The following SPMIP2 variants were observed in gnomAD, a reference collection of about 807,000 sequenced individuals.
SPMIP2 encodes the protein protein SPMIP2.
the SPMIP2 span, among the ~76,000 whole-genome samples, chr4:158,938,631 G>C: frequency 6.6e-6 from 1 of 152,206 alleles, no homozygotes; most frequent in African/African-American, 2.4e-5. Context: ...GACGTCACCA[G>C]GACATTGCTG....
chr4:158,985,627 C>T, the SPMIP2 span, among the ~76,000 whole-genome samples: 6 of 152,206 alleles, frequency 3.9e-5, no homozygotes, highest in Admixed American at 6.5e-5. Context: ...ATTGATGAGA[C>T]GTATCTCAAA....
the SPMIP2 span, among the ~76,000 whole-genome samples, chr4:159,037,783 T>TACAC: frequency 4.2e-3 from 410 of 97,626 alleles, 1 homozygote; most frequent in Middle Eastern, 0.015. Context: ...AAAAACAATA[T>TACAC]ATACACACAC....
At chr4:159,071,457 T>C in the SPMIP2 span, among the ~76,000 whole-genome samples, 1 of 152,070 alleles carries the variant, frequency 6.6e-6, no homozygotes, top group Non-Finnish European at 1.5e-5. Context: ...ACAAGAATAA[T>C]AAAAATTCAA....
chr4:158,897,978 A>G, the SPMIP2 span, among the ~76,000 whole-genome samples: 5 of 152,148 alleles, frequency 3.3e-5, no homozygotes, highest in Non-Finnish European at 7.4e-5. Context: ...TAGGTCTTAC[A>G]TTTAAGTCTT....
chr4:158,928,197 G>A, the SPMIP2 span, among the ~76,000 whole-genome samples: 1 of 152,194 alleles, frequency 6.6e-6, no homozygotes, highest in African/African-American at 2.4e-5. Context: ...GAACCTTTAT[G>A]TCTAGCTCAG....
At chr4:159,030,875 GA>G in the SPMIP2 span, among the ~76,000 whole-genome samples, 1 of 152,120 alleles carries the variant, frequency 6.6e-6, no homozygotes. Flanking sequence ...GTAACTCTCA[GA>G]ATTGCTGCGA....
the SPMIP2 span, among the ~76,000 whole-genome samples, chr4:158,934,247 G>A: frequency 6.6e-6 from 1 of 152,102 alleles, no homozygotes; most frequent in African/African-American, 2.4e-5. Flanking sequence ...GATCACTTGA[G>A]GTCAGAAGTT....
the SPMIP2 span, among the ~76,000 whole-genome samples, chr4:159,052,475 C>A: frequency 2.6e-5 from 4 of 152,104 alleles, no homozygotes; most frequent in Admixed American, 1.3e-4. Flanking sequence ...CTGCAACTAG[C>A]CAGTTGTGCA....
chr4:158,933,508 G>A, the SPMIP2 span, among the ~76,000 whole-genome samples: 1 of 151,980 alleles, frequency 6.6e-6, no homozygotes, highest in African/African-American at 2.4e-5. Flanking sequence ...CTGAAGTTGT[G>A]CCTTGGGTTG....
the SPMIP2 span, among the ~76,000 whole-genome samples, chr4:158,903,113 G>T: frequency 6.6e-6 from 1 of 152,224 alleles, no homozygotes; most frequent in South Asian, 2.1e-4. Flanking sequence ...GGCCCTGATT[G>T]TGTACACACC....
At chr4:158,967,071 G>A in the SPMIP2 span, among the ~76,000 whole-genome samples, 3 of 152,090 alleles carry the variant, frequency 2.0e-5, no homozygotes, top group Admixed American at 6.5e-5. Context: ...AGTGATACAC[G>A]CCTCCCTTGA....
At chr4:159,005,406 T>A in the SPMIP2 span, among the ~76,000 whole-genome samples, 1 of 152,040 alleles carries the variant, frequency 6.6e-6, no homozygotes, top group Non-Finnish European at 1.5e-5. Flanking sequence ...ATCACGCCAT[T>A]GCACCGCAGC....
At chr4:158,897,432 G>A in the SPMIP2 span, among the ~76,000 whole-genome samples, 1 of 152,204 alleles carries the variant, frequency 6.6e-6, no homozygotes, top group Non-Finnish European at 1.5e-5. Flanking sequence ...TTTCCACAGT[G>A]ATTGAACTAA....
chr4:158,905,681 C>T, the SPMIP2 span: 41 of 127,486 alleles, frequency 3.2e-4, no homozygotes, highest in African/African-American at 9.3e-4. Context: ...AAAATGATTT[C>T]CTAAAGTTCA....
chr4:158,945,230 T>C, the SPMIP2 span, among the ~76,000 whole-genome samples: 1 of 152,128 alleles, frequency 6.6e-6, no homozygotes, highest in Non-Finnish European at 1.5e-5. Flanking sequence ...ACTTCACTTT[T>C]CAGATTCCTC....
the SPMIP2 span, chr4:158,906,602 T>G: frequency 1.3e-5 from 2 of 152,144 alleles, no homozygotes; most frequent in Non-Finnish European, 2.9e-5. Flanking sequence ...AACTCACTCT[T>G]GGAAAAATGC....
chr4:159,052,953 TTA>T, the SPMIP2 span, among the ~76,000 whole-genome samples: 4 of 106,298 alleles, frequency 3.8e-5, no homozygotes, highest in African/African-American at 1.4e-4. Context: ...ATTATTATTA[TTA>T]TTTTTTTTTT....
At chr4:158,946,494 G>C in the SPMIP2 span, among the ~76,000 whole-genome samples, 3 of 152,126 alleles carry the variant, frequency 2.0e-5, no homozygotes, top group Non-Finnish European at 4.4e-5. Context: ...GTTTTCATGA[G>C]ATCTGATGGT....
the SPMIP2 span, among the ~76,000 whole-genome samples, chr4:159,021,485 A>G: frequency 6.6e-6 from 1 of 152,240 alleles, no homozygotes; most frequent in Non-Finnish European, 1.5e-5. Flanking sequence ...TTTAACCATG[A>G]TTAATGGGAT....
Sources: gnomAD v4.1 joint callset for allele counts (sites outside exome capture counted in the v4.1 genomes callset) on GRCh38, gnomAD v4.1.1 for gene constraint, MANE v1.5 for transcripts, NCBI Gene and HGNC (gene_info 2026-07-23, HGNC 2026-07-21) for gene names.